OXR1: variants seen among roughly 807,000 people sequenced by gnomAD.
OXR1 encodes the protein oxidation resistance protein 1.
In OXR1, 41 loss-of-function variants were observed where a neutral mutation model predicts 104.6. The observed-to-expected ratio is 0.39, with a 90% CI of 0.31 to 0.51. The LOEUF is 0.51. Ranked by LOEUF, OXR1 falls within the 20% of genes least tolerant of loss-of-function variation. The pLI, the probability that OXR1 is intolerant of heterozygous loss-of-function variation, is 0.77. For missense variants in OXR1, 955 were observed against 1,031.9 expected (o/e 0.93, Z 1.02); for synonymous variants, 348 against 348.4 (o/e 1.00, Z 0.01).
At chr8:106,491,959 A>T (rs1053153463) in intron 2 of OXR1, among the ~76,000 whole-genome samples, 1 of 152,200 alleles carries the variant, frequency 6.6e-6, no homozygotes, top group Non-Finnish European at 1.5e-5. Context: ...ATCTGGCTAT[A>T]TTTTATTGGA....
intron 11 of OXR1, among the ~76,000 whole-genome samples, chr8:106,729,238 A>G (rs1370402530): frequency 6.6e-6 from 1 of 152,112 alleles, no homozygotes; most frequent in Non-Finnish European, 1.5e-5. Context: ...TCATACTACA[A>G]CTAGTGCAAG....
At chr8:106,726,652 A>G (rs2131494137) in intron 11 of OXR1, among the ~76,000 whole-genome samples, 1 of 152,306 alleles carries the variant, frequency 6.6e-6, no homozygotes, top group East Asian at 1.9e-4. Context: ...TAAATTGAAT[A>G]GAACAGAGTA....
At chr8:106,601,037 C>T (rs940339771) in intron 3 of OXR1, among the ~76,000 whole-genome samples, 3 of 152,116 alleles carry the variant, frequency 2.0e-5, no homozygotes, top group Admixed American at 2.0e-4. Context: ...GATCATGCAG[C>T]CTAGTAGACT....
At chr8:106,563,965 A>G (rs1356415813) in intron 3 of OXR1, among the ~76,000 whole-genome samples, 1 of 152,228 alleles carries the variant, frequency 6.6e-6, no homozygotes, top group African/African-American at 2.4e-5. Context: ...AATGTACCAG[A>G]ATCTGTGGGA....
intron 2 of OXR1, among the ~76,000 whole-genome samples, chr8:106,457,027 T>G (rs763573764): frequency 1.2e-4 from 18 of 152,174 alleles, no homozygotes; most frequent in Non-Finnish European, 2.5e-4. Flanking sequence ...TTTTAGTAGT[T>G]CTCCATTTCT....
At chr8:106,686,283 T>TTAAA (rs2131257477) in intron 6 of OXR1, among the ~76,000 whole-genome samples, 1 of 34,964 alleles carries the variant, frequency 2.9e-5, no homozygotes, top group African/African-American at 1.2e-4. Flanking sequence ...AAATGGAAAA[T>TTAAA]AATTAAAAAA....
At chr8:106,613,964 G>A (rs1172005767) in intron 3 of OXR1, among the ~76,000 whole-genome samples, 2 of 152,062 alleles carry the variant, frequency 1.3e-5, no homozygotes, top group Non-Finnish European at 2.9e-5. Flanking sequence ...GGCACTTCTC[G>A]GGGTGAAAGT....
intron 3 of OXR1, among the ~76,000 whole-genome samples, chr8:106,666,229 G>A (rs1208417000): frequency 6.6e-6 from 1 of 152,118 alleles, no homozygotes; most frequent in Non-Finnish European, 1.5e-5. Flanking sequence ...AGATAGTTAC[G>A]ACTCTCTGTT....
intron 2 of OXR1, among the ~76,000 whole-genome samples, chr8:106,499,276 C>A (rs1811621275): frequency 6.6e-6 from 1 of 151,822 alleles, no homozygotes; most frequent in African/African-American, 2.4e-5. Flanking sequence ...AGAATGACTG[C>A]TAAATTACTA....
intron 2 of OXR1, among the ~76,000 whole-genome samples, chr8:106,476,721 C>T (rs1821830856): frequency 6.6e-6 from 1 of 151,886 alleles, no homozygotes; most frequent in Non-Finnish European, 1.5e-5. Context: ...AGCTGTTTCT[C>T]CTGTTGTCCT....
intron 1 of OXR1, among the ~76,000 whole-genome samples, chr8:106,358,738 G>A (rs1412428908): frequency 6.6e-6 from 1 of 151,968 alleles, no homozygotes. Context: ...GGAGATGTTT[G>A]TCATATTTGT....
At chr8:106,560,953 G>A (rs1029826972) in intron 3 of OXR1, among the ~76,000 whole-genome samples, 1 of 152,162 alleles carries the variant, frequency 6.6e-6, no homozygotes, top group Admixed American at 6.5e-5. Flanking sequence ...GAGGGACTGT[G>A]CCGTGAGGAA....
intron 3 of OXR1, among the ~76,000 whole-genome samples, chr8:106,636,882 T>C (rs867223296): frequency 4.1e-4 from 62 of 152,170 alleles, no homozygotes; most frequent in African/African-American, 1.4e-3. Flanking sequence ...GCCGCATTCT[T>C]AGATGTGTAT....
intron 2 of OXR1, among the ~76,000 whole-genome samples, chr8:106,401,186 C>T (rs7833506): frequency 0.2 from 30,447 of 151,986 alleles, 3,920 homozygotes; most frequent in East Asian, 0.42. Context: ...AAGTGAACAA[C>T]CAGGTGTACT....
intron 10 of OXR1, among the ~76,000 whole-genome samples, chr8:106,712,012 C>T (rs904465431): frequency 6.6e-6 from 1 of 152,114 alleles, no homozygotes; most frequent in African/African-American, 2.4e-5. Context: ...TTCCTATATC[C>T]ATTGATAGAT....
intron 2 of OXR1, among the ~76,000 whole-genome samples, chr8:106,475,999 T>G (rs552910433): frequency 4.8e-5 from 7 of 144,404 alleles, no homozygotes; most frequent in South Asian, 2.1e-4. Context: ...CAGGATGAAT[T>G]TCTTGCTTTG....
At position 106,697,846 on chromosome 8, in the gene OXR1, A is replaced by C; in HGVS notation, c.675+4969A>C. ...CTCACATAACACCGTGCCATCCTTG[A>C]GCCAGTTCTGGAAGTTCTCGCGTCC... On this transcript the variant is annotated intron_variant, in intron 7 of 16. Coordinates refer to ENST00000517566, the MANE Select transcript of OXR1 (RefSeq NM_001198533.2). The C allele has an allele frequency of 2.5e-6, 4 of 1,612,418 alleles. No homozygotes were observed. The South Asian group carries it at 4.4e-5, about 18-fold the overall frequency.
chr8:106,307,368 C>T (rs190821323), intron 1 of OXR1, among the ~76,000 whole-genome samples: 48 of 152,240 alleles, frequency 3.2e-4, no homozygotes, highest in Admixed American at 2.6e-3. Flanking sequence ...CATGGTCTGG[C>T]GTCCCCTTGC....
intron 11 of OXR1, among the ~76,000 whole-genome samples, chr8:106,728,030 G>A (rs533059348): frequency 2.6e-5 from 4 of 152,128 alleles, no homozygotes; most frequent in Admixed American, 6.5e-5. Flanking sequence ...GTTTTGTTGT[G>A]TAGACAAGCT....
Sources: gnomAD v4.1 joint callset for allele counts (sites outside exome capture counted in the v4.1 genomes callset) on GRCh38, gnomAD v4.1.1 for gene constraint, MANE v1.5 for transcripts, NCBI Gene and HGNC (gene_info 2026-07-23, HGNC 2026-07-21) for gene names.